The following CSGALNACT1 variants were observed in gnomAD, a reference collection of about 807,000 sequenced individuals.
The protein encoded by CSGALNACT1 is beta4GalNAcT-1.
In CSGALNACT1, 52 loss-of-function variants were observed where a neutral mutation model predicts 51.0. That is an observed-to-expected ratio of 1.02 (90% CI 0.82 to 1.29). The LOEUF is 1.29. CSGALNACT1 is among the 50% of genes most tolerant of loss of function. CSGALNACT1 has a pLI of 0.00. For synonymous variants in CSGALNACT1, 341 were observed against 254.4 expected (o/e 1.34, Z -3.24); for missense variants, 935 against 679.2 (o/e 1.38, Z -4.19).
At chr8:19,530,469 C>G in intron 3 of CSGALNACT1, among the ~76,000 whole-genome samples, 1 of 152,162 alleles carries the variant, frequency 6.6e-6, no homozygotes, top group East Asian at 1.9e-4. Context: ...ATGACTTAGT[C>G]TCTACATTTA....
chr8:19,581,088 G>C (rs1394069692), intron 3 of CSGALNACT1, among the ~76,000 whole-genome samples: 1 of 152,192 alleles, frequency 6.6e-6, no homozygotes, highest in African/African-American at 2.4e-5. Context: ...CGGCTACACA[G>C]ATAGCTACAA....
chr8:19,543,495 C>G (rs761240172), intron 3 of CSGALNACT1, among the ~76,000 whole-genome samples: 1 of 152,078 alleles, frequency 6.6e-6, no homozygotes, highest in Non-Finnish European at 1.5e-5. Flanking sequence ...TACAGTGAGC[C>G]CCTACTTTCT....
At chr8:19,605,737 C>A (rs1257913702), upstream of CSGALNACT1, among the ~76,000 whole-genome samples, 1 of 152,166 alleles carries the variant, frequency 6.6e-6, no homozygotes, top group Non-Finnish European at 1.5e-5. Context: ...CACCCTTCCC[C>A]ACCCCCAAAG....
At position 19,659,327 on chromosome 8, in the gene CSGALNACT1, T is replaced by C. The variant is rs141536640; in HGVS notation, c.-544+23146A>G. ...TCACTCTTGATTTCAAGCAACACTT[T>C]CTTCATCCCAACTATGTCAGATTCT... On this transcript the variant is annotated intron_variant, in intron 1 of 9. Coordinates refer to the CSGALNACT1 transcript ENST00000332246. Among the ~76,000 whole-genome samples the C allele has an allele frequency of 4.3e-3, 656 of 152,346 alleles. 5 individuals are homozygous for C. The highest frequency in any genetic ancestry group is 0.015 in the African/African-American group (627 of 41,572).
At chr8:19,476,334 G>C (rs1256257906) in intron 4 of CSGALNACT1, among the ~76,000 whole-genome samples, 6 of 152,268 alleles carry the variant, frequency 3.9e-5, no homozygotes, top group African/African-American at 1.4e-4. Flanking sequence ...TGCCTTCCGA[G>C]TTCAAGCGAT....
chr8:19,637,403 T>A (rs946757512), intron 1 of CSGALNACT1, among the ~76,000 whole-genome samples: 9 of 152,206 alleles, frequency 5.9e-5, no homozygotes, highest in African/African-American at 2.2e-4. Context: ...AAGATTTTTA[T>A]TTTACTGTTT....
intron 3 of CSGALNACT1, among the ~76,000 whole-genome samples, chr8:19,579,331 C>T (rs1048766879): frequency 3.3e-5 from 5 of 152,224 alleles, no homozygotes; most frequent in African/African-American, 1.2e-4. Flanking sequence ...GAACCAACTT[C>T]TTGGCTGACA....
chr8:19,594,704 T>C (rs1055744641), intron 2 of CSGALNACT1, among the ~76,000 whole-genome samples: 27 of 151,540 alleles, frequency 1.8e-4, no homozygotes, highest in African/African-American at 6.1e-4. Context: ...CCACCAGGCC[T>C]GGCTAATTTT....
At chr8:19,607,192 G>C (rs1377981132), upstream of CSGALNACT1, among the ~76,000 whole-genome samples, 1 of 151,686 alleles carries the variant, frequency 6.6e-6, no homozygotes, top group Non-Finnish European at 1.5e-5. Context: ...GCCTCCAGTA[G>C]GGACCCTGCG....
intron 4 of CSGALNACT1, among the ~76,000 whole-genome samples, chr8:19,494,622 C>T (rs17479581): frequency 0.15 from 22,553 of 152,146 alleles, 1,987 homozygotes; most frequent in Non-Finnish European, 0.2. Context: ...TCTCGAAGCA[C>T]AAATCTCATT....
intron 1 of CSGALNACT1, among the ~76,000 whole-genome samples, chr8:19,688,343 T>C (rs1428138211): frequency 6.6e-6 from 1 of 152,080 alleles, no homozygotes; most frequent in South Asian, 2.1e-4. Context: ...GGAGATTGAT[T>C]CTGTAAAAAA....
At chr8:19,486,738 T>C (rs1294142315) in intron 4 of CSGALNACT1, among the ~76,000 whole-genome samples, 2 of 152,136 alleles carry the variant, frequency 1.3e-5, no homozygotes, top group African/African-American at 2.4e-5. Context: ...AACGCATTGA[T>C]TGTTCCTCTA....
chr8:19,407,905 T>TTG (rs60746708), intron 9 of CSGALNACT1, among the ~76,000 whole-genome samples: 3,621 of 112,802 alleles, frequency 0.032, 252 homozygotes, highest in African/African-American at 0.093. Flanking sequence ...TGTATATGAA[T>TTG]TGTGTGTGTG....
intron 3 of CSGALNACT1, among the ~76,000 whole-genome samples, chr8:19,546,763 G>A (rs2086576963): frequency 6.6e-6 from 1 of 152,164 alleles, no homozygotes; most frequent in Non-Finnish European, 1.5e-5. Flanking sequence ...AAACTCAGAT[G>A]AAACCTAAAA....
chr8:19,497,218 G>C (rs1474566557), intron 4 of CSGALNACT1, among the ~76,000 whole-genome samples: 1 of 152,228 alleles, frequency 6.6e-6, no homozygotes, highest in African/African-American at 2.4e-5. Flanking sequence ...CTGGTAAGCT[G>C]TGAATAACAA....
At chr8:19,597,663 C>G (rs1263712585) in intron 2 of CSGALNACT1, among the ~76,000 whole-genome samples, 1 of 152,118 alleles carries the variant, frequency 6.6e-6, no homozygotes, top group East Asian at 1.9e-4. Context: ...AGTCCGATCC[C>G]TTGCCTCCAA....
At position 19,470,301 on chromosome 8, in the gene CSGALNACT1, G is replaced by T. The variant is rs187429206; in HGVS notation, c.635-11659C>A. ...AATTTCTTGGTGAAACAGAATGAGG[G>T]AATTAAAAGTAGAATAATGGGTTTA... On this transcript the variant is annotated intron_variant, in intron 4 of 9. Coordinates refer to ENST00000454498, the Ensembl canonical transcript of CSGALNACT1. 2.5e-3 allele frequency among the ~76,000 whole-genome samples: 387 copies of T among 152,284 alleles called. 9 individuals carry two copies. The highest frequency in any genetic ancestry group is 0.023 in the Admixed American group (347 of 15,296).
At chr8:19,595,912 A>G (rs891635936) in intron 2 of CSGALNACT1, among the ~76,000 whole-genome samples, 3 of 142,974 alleles carry the variant, frequency 2.1e-5, no homozygotes, top group South Asian at 2.2e-4. Flanking sequence ...CACCCAGGCT[A>G]TAGTCCAGTG....
intron 3 of CSGALNACT1, among the ~76,000 whole-genome samples, chr8:19,526,833 A>G (rs2081808768): frequency 6.6e-6 from 1 of 152,200 alleles, no homozygotes; most frequent in African/African-American, 2.4e-5. Context: ...TACTTGGCTC[A>G]CTTTTTTGCA....
Sources: allele counts gnomAD v4.1 joint callset (sites outside exome capture counted in the v4.1 genomes callset), GRCh38; gene constraint gnomAD v4.1.1; transcripts MANE v1.5; gene names NCBI Gene and HGNC (gene_info 2026-07-23, HGNC 2026-07-21).